Variants in RABGAP1L observed in about 807,000 individuals in gnomAD.
The protein encoded by RABGAP1L is RAB GTPase activating protein 1 like.
Under a neutral mutation model 137.7 loss-of-function variants are expected in RABGAP1L, and 63 were observed. The observed-to-expected ratio is 0.46, with a 90% CI of 0.37 to 0.56. The LOEUF (loss-of-function observed/expected upper bound fraction) is 0.56. Ranked by LOEUF, RABGAP1L falls within the 20% of genes least tolerant of loss-of-function variation. The pLI, the probability that RABGAP1L is intolerant of heterozygous loss-of-function variation, is 0.00. For missense variants in RABGAP1L, 1,095 were observed against 1,244.0 expected, an observed-to-expected ratio of 0.88 and a Z score of 1.80; for synonymous variants, 431 against 433.7, an observed-to-expected ratio of 0.99 and a Z score of 0.08.
chr1:174,624,563 A>G (rs551378799), intron 13 of RABGAP1L, among the ~76,000 whole-genome samples: 2 of 152,334 alleles, frequency 1.3e-5, no homozygotes, highest in East Asian at 3.9e-4. Context: ...ATTCAAATAT[A>G]TGAATTAAAT....
chr1:174,198,663 ATGCATTGCACTGTAT>A lies in RABGAP1L; in HGVS notation c.-33-20459_-33-20445del, dbSNP rs567198717. ...ATGAGATTTTCTGATCAGCAGCAGC[ATGCATTGCACTGTAT>A]TGGGGAATTGAGGTAAAGTAATATT... On this transcript the variant is annotated intron_variant, in intron 1 of 25. Transcript: ENST00000681986. Among the ~76,000 whole-genome samples, 212 of 152,396 alleles carry A rather than the reference ATGCATTGCACTGTAT, an allele frequency of 1.4e-3. 1 individual carries two copies. Among genetic ancestry groups the A allele is most frequent in the African/African-American group, 5.0e-3 (207 of 41,598 alleles).
chr1:174,660,008 A>G (rs1241624422), intron 14 of RABGAP1L, among the ~76,000 whole-genome samples: 2 of 152,230 alleles, frequency 1.3e-5, no homozygotes, highest in Non-Finnish European at 1.5e-5. Context: ...GTTGCCAAGA[A>G]AAACATGACT....
chr1:174,952,564 T>C (rs1157048724), intron 19 of RABGAP1L, among the ~76,000 whole-genome samples: 1 of 151,890 alleles, frequency 6.6e-6, no homozygotes, highest in Non-Finnish European at 1.5e-5. Context: ...AACCAAATCT[T>C]ATATGTAAGC....
intron 14 of RABGAP1L, among the ~76,000 whole-genome samples, chr1:174,653,850 A>G (rs1675757887): frequency 6.6e-6 from 1 of 152,234 alleles, no homozygotes; most frequent in Non-Finnish European, 1.5e-5. Flanking sequence ...GTGTAGTACT[A>G]GTAACATTGT....
chr1:174,515,137 T>C (rs1271675952), intron 13 of RABGAP1L, among the ~76,000 whole-genome samples: 4 of 152,170 alleles, frequency 2.6e-5, no homozygotes, highest in African/African-American at 9.6e-5. Context: ...ACTATAGTCA[T>C]GGTTTTGTAC....
intron 19 of RABGAP1L, among the ~76,000 whole-genome samples, chr1:174,876,269 C>T (rs538541032): frequency 6.6e-6 from 1 of 152,146 alleles, no homozygotes; most frequent in East Asian, 1.9e-4. Context: ...TGTTTTATTT[C>T]AACTTATTTC....
chr1:174,716,825 A>G lies in RABGAP1L; in HGVS notation c.2169+14569A>G, dbSNP rs920871093. On this transcript the variant is annotated intron_variant, in intron 17 of 25. Transcript: ENST00000681986. ...TGCTGGTCCTCTGGCTCATTGACCT[A>G]TTGGATTTCAGCTTGGACCACATCA... is the stretch of plus-strand genomic sequence containing the variant. Among the ~76,000 whole-genome samples the G allele has an allele frequency of 6.6e-5, 10 of 152,240 alleles. 1 individual carries two copies. The South Asian group carries it at 1.2e-3, about 19-fold the overall frequency.
chr1:174,309,173 G>A (rs1678580535), intron 11 of RABGAP1L, among the ~76,000 whole-genome samples: 1 of 151,914 alleles, frequency 6.6e-6, no homozygotes, highest in Non-Finnish European at 1.5e-5. Context: ...TTTTCAGATA[G>A]TTTGCTGTTA....
chr1:174,383,449 T>G (rs58750544), intron 12 of RABGAP1L, among the ~76,000 whole-genome samples: 53,065 of 149,620 alleles, frequency 0.35, 11,960 homozygotes, highest in African/African-American at 0.64. Flanking sequence ...GAGATTCCGT[T>G]GGCGTAGGAC....
chr1:174,403,272 TTTC>T (rs1420781614), intron 13 of RABGAP1L, among the ~76,000 whole-genome samples: 1 of 151,170 alleles, frequency 6.6e-6, no homozygotes, highest in Admixed American at 6.6e-5. Context: ...TACCATTTCT[TTTC>T]TTCTCTCTTT....
chr1:174,335,744 T>C (rs1337690349), intron 11 of RABGAP1L, among the ~76,000 whole-genome samples: 1 of 152,224 alleles, frequency 6.6e-6, no homozygotes, highest in East Asian at 1.9e-4. Flanking sequence ...AGAGAACAAA[T>C]GTCTAATACA....
At chr1:174,711,945 C>T (rs1046942676) in intron 17 of RABGAP1L, among the ~76,000 whole-genome samples, 1 of 152,204 alleles carries the variant, frequency 6.6e-6, no homozygotes, top group East Asian at 1.9e-4. Context: ...GTGTCTAGCT[C>T]AAGGTTTGTA....
chr1:174,518,968 C>T (rs1163801113), intron 13 of RABGAP1L, among the ~76,000 whole-genome samples: 4 of 151,856 alleles, frequency 2.6e-5, no homozygotes, highest in Admixed American at 1.3e-4. Context: ...CTTGAGGTTT[C>T]AGAACTAAGA....
intron 10 of RABGAP1L, among the ~76,000 whole-genome samples, chr1:174,283,027 C>A (rs973364705): frequency 1.3e-5 from 2 of 152,124 alleles, no homozygotes; most frequent in Non-Finnish European, 2.9e-5. Context: ...GCTTCCCAAC[C>A]TTTCTCATTC....
intron 19 of RABGAP1L, among the ~76,000 whole-genome samples, chr1:174,926,375 A>T (rs1662843953): frequency 6.6e-6 from 1 of 152,198 alleles, no homozygotes; most frequent in Non-Finnish European, 1.5e-5. Context: ...ATTATGGAAG[A>T]ATTGATATCT....
intron 15 of RABGAP1L, among the ~76,000 whole-genome samples, chr1:174,683,798 G>C (rs1265909306): frequency 6.6e-6 from 1 of 152,132 alleles, no homozygotes; most frequent in Non-Finnish European, 1.5e-5. Context: ...AGTTTTGTTG[G>C]CTAGAAAAGG....
At chr1:174,465,443 A>T (rs1657185375) in intron 13 of RABGAP1L, among the ~76,000 whole-genome samples, 1 of 151,118 alleles carries the variant, frequency 6.6e-6, no homozygotes, top group African/African-American at 2.4e-5. Context: ...CAGGCGATCC[A>T]CCCACTTCGG....
intron 19 of RABGAP1L, among the ~76,000 whole-genome samples, chr1:174,892,226 C>G (rs1188733247): frequency 1.3e-5 from 2 of 152,228 alleles, no homozygotes; most frequent in Non-Finnish European, 2.9e-5. Flanking sequence ...CCCTCTCCCG[C>G]CTGGGCTCAG....
chr1:174,645,970 T>C (rs997247607), intron 14 of RABGAP1L, among the ~76,000 whole-genome samples: 1 of 152,180 alleles, frequency 6.6e-6, no homozygotes, highest in African/African-American at 2.4e-5. Flanking sequence ...TATAATGAGC[T>C]TTTTTTCATA....
Sources: gnomAD v4.1 joint callset for allele counts (sites outside exome capture counted in the v4.1 genomes callset) on GRCh38, gnomAD v4.1.1 for gene constraint, MANE v1.5 for transcripts, NCBI Gene and HGNC (gene_info 2026-07-23, HGNC 2026-07-21) for gene names.